The following CTNND2 variants were observed in gnomAD, a reference collection of about 807,000 sequenced individuals.
CTNND2 encodes the protein catenin delta-2.
Under a neutral mutation model 144.4 loss-of-function variants are expected in CTNND2, and 22 were observed. The observed-to-expected ratio is 0.15, with a 90% CI of 0.11 to 0.22. CTNND2 has a LOEUF of 0.22. Among genes scored for constraint, CTNND2 ranks in the 10% least tolerant of loss-of-function variants. CTNND2 has a pLI of 1.00. For synonymous variants in CTNND2, 751 were observed against 695.6 expected, an observed-to-expected ratio of 1.08 and a Z score of -1.25; for missense variants, 1,353 against 1,618.8, an observed-to-expected ratio of 0.84 and a Z score of 2.82.
intron 3 of CTNND2, among the ~76,000 whole-genome samples, chr5:11,502,884 C>T (rs1013322208): frequency 2.6e-5 from 4 of 152,126 alleles, no homozygotes; most frequent in Non-Finnish European, 5.9e-5. Context: ...GTATACTTCA[C>T]ACTATGAGAA....
chr5:11,389,922 A>G (rs1759483749), intron 6 of CTNND2, among the ~76,000 whole-genome samples: 3 of 152,244 alleles, frequency 2.0e-5, no homozygotes, highest in Admixed American at 2.0e-4. Flanking sequence ...TCAGGCTATG[A>G]GTTATGTATG....
At chr5:11,302,807 C>T (rs899229203) in intron 9 of CTNND2, among the ~76,000 whole-genome samples, 2 of 152,192 alleles carry the variant, frequency 1.3e-5, no homozygotes, top group African/African-American at 4.8e-5. Flanking sequence ...AAATGTTCAG[C>T]ATATGCCACT....
At chr5:11,315,088 A>C (rs1298676667) in intron 9 of CTNND2, among the ~76,000 whole-genome samples, 1 of 147,284 alleles carries the variant, frequency 6.8e-6, no homozygotes, top group Non-Finnish European at 1.5e-5. Flanking sequence ...AAATTAAGCT[A>C]TGCTAGCAAT....
intron 1 of CTNND2, among the ~76,000 whole-genome samples, chr5:11,777,481 G>T (rs1374495314): frequency 6.6e-6 from 1 of 152,178 alleles, no homozygotes; most frequent in African/African-American, 2.4e-5. Context: ...AGTTAATGAG[G>T]CTGATTTTGT....
At chr5:11,143,414 T>C (rs895704185) in intron 12 of CTNND2, among the ~76,000 whole-genome samples, 13 of 152,190 alleles carry the variant, frequency 8.5e-5, no homozygotes, top group Non-Finnish European at 1.5e-4. Flanking sequence ...AAAAACTCGT[T>C]CTGGGCCTCT....
chr5:11,457,929 C>T (rs1318202529), intron 3 of CTNND2, among the ~76,000 whole-genome samples: 1 of 152,184 alleles, frequency 6.6e-6, no homozygotes, highest in African/African-American at 2.4e-5. Context: ...ACGCAAGACA[C>T]TGAAATCTTA....
At chr5:11,656,647 A>G (rs1174743269) in intron 2 of CTNND2, among the ~76,000 whole-genome samples, 1 of 152,152 alleles carries the variant, frequency 6.6e-6, no homozygotes, top group Non-Finnish European at 1.5e-5. Flanking sequence ...CATTGACAGG[A>G]AAGTCTTCAC....
At chr5:11,468,837 G>A (rs1195513614) in intron 3 of CTNND2, among the ~76,000 whole-genome samples, 1 of 152,006 alleles carries the variant, frequency 6.6e-6, no homozygotes, top group Admixed American at 6.6e-5. Flanking sequence ...ATTTTCAGTG[G>A]GGTGTTCTCT....
intron 3 of CTNND2, among the ~76,000 whole-genome samples, chr5:11,460,724 A>C (rs538728138): frequency 6.6e-6 from 1 of 152,128 alleles, no homozygotes. Context: ...GCTCTGCTCA[A>C]ATATCACTTT....
chr5:11,552,183 A>T (rs750061138), intron 3 of CTNND2, among the ~76,000 whole-genome samples: 4 of 152,192 alleles, frequency 2.6e-5, no homozygotes, highest in Non-Finnish European at 5.9e-5. Flanking sequence ...ACATAAGCAT[A>T]TTTTCTTTTA....
At chr5:11,373,964 A>G (rs1332214187) in intron 7 of CTNND2, among the ~76,000 whole-genome samples, 2 of 152,138 alleles carry the variant, frequency 1.3e-5, no homozygotes, top group Non-Finnish European at 2.9e-5. Context: ...GGGAGGTCAC[A>G]GGTTGTGGCC....
intron 3 of CTNND2, among the ~76,000 whole-genome samples, chr5:11,457,974 C>T (rs1171632573): frequency 1.3e-5 from 2 of 152,186 alleles, no homozygotes; most frequent in Non-Finnish European, 2.9e-5. Flanking sequence ...CCTTGGACTT[C>T]AGCTCAGTTC....
intron 8 of CTNND2, among the ~76,000 whole-genome samples, chr5:11,356,048 G>T (rs1755837698): frequency 6.6e-6 from 1 of 151,880 alleles, no homozygotes; most frequent in Admixed American, 6.6e-5. Context: ...AATAGAAGAG[G>T]ACACAAATAA....
chr5:11,391,432 C>T, intron 6 of CTNND2, among the ~76,000 whole-genome samples: 1 of 152,160 alleles, frequency 6.6e-6, no homozygotes. Flanking sequence ...ATATTTAGTA[C>T]TATATGAAAT....
chr5:11,015,859 C>A (rs852623), intron 18 of CTNND2, among the ~76,000 whole-genome samples: 32,497 of 152,024 alleles, frequency 0.21, 3,682 homozygotes, highest in South Asian at 0.31. Flanking sequence ...CTTTCCTGGG[C>A]GAGACTTCAT....
Position 10,980,833 on chromosome 5 carries a change from G to A in CTNND2, c.3417+940C>T, listed in dbSNP as rs563326023. On this transcript the variant is annotated intron_variant, in intron 21 of 21. Transcript: ENST00000304623. ...AAACACTGCATGTTCTCACTCATAA[G>A]TGGGAGTTGAACAATGAGAACACAT... Among the ~76,000 whole-genome samples, 8 of 152,182 alleles carry A rather than the reference G, an allele frequency of 5.3e-5. No individual in the cohort carries two copies. In the South Asian group the frequency reaches 8.3e-4, roughly 16 times the overall value.
At chr5:11,674,851 G>C (rs1400869055) in intron 2 of CTNND2, among the ~76,000 whole-genome samples, 2 of 152,008 alleles carry the variant, frequency 1.3e-5, no homozygotes, top group Non-Finnish European at 2.9e-5. Flanking sequence ...TCAGCCTCCC[G>C]AGTAGCTGGG....
rs1270471598 is a variant in CTNND2, at chr5:11,867,298, T to C, written c.37+36519A>G. Among the ~76,000 whole-genome samples the C allele has an allele frequency of 2.0e-5, 3 of 152,330 alleles. No individual in the cohort carries two copies. In the East Asian group the frequency reaches 5.8e-4, roughly 29 times the overall value. ...ACTTTGCACTGATTTCAGAGAAAAG[T>C]CCAATAATTATTTGAGGCAAGAAAT... On this transcript the variant is annotated intron_variant, in intron 1 of 21. Transcript: ENST00000304623.
At chr5:11,698,400 T>C (rs1785240311) in intron 2 of CTNND2, among the ~76,000 whole-genome samples, 1 of 152,006 alleles carries the variant, frequency 6.6e-6, no homozygotes, top group Non-Finnish European at 1.5e-5. Flanking sequence ...AGGATTCTCC[T>C]GCCTCAGCCT....
Sources: gnomAD v4.1 joint callset for allele counts (sites outside exome capture counted in the v4.1 genomes callset) on GRCh38, gnomAD v4.1.1 for gene constraint, MANE v1.5 for transcripts, NCBI Gene and HGNC (gene_info 2026-07-23, HGNC 2026-07-21) for gene names.